Variants in OIP5 observed in about 807,000 individuals in gnomAD.
OIP5 encodes protein Mis18-beta.
A neutral mutation model predicts 20.3 loss-of-function variants in OIP5; 24 were observed. That is an observed-to-expected ratio of 1.18 (90% CI 0.86 to 1.66). The LOEUF (loss-of-function observed/expected upper bound fraction) is 1.66, where lower values mean the gene tolerates loss of function less well. OIP5 is among the 40% of genes most tolerant of loss of function. The probability of loss-of-function intolerance (pLI) is 0.00; values close to 1 mark genes in which losing one functional copy is unlikely to be tolerated. For missense variants in OIP5, 339 were observed against 289.5 expected (o/e 1.17, Z -1.24); for synonymous variants, 143 against 121.3 (o/e 1.18, Z -1.17).
At chr15:41,325,446 C>G (rs558826184) in intron 2 of OIP5, among the ~76,000 whole-genome samples, 1 of 151,782 alleles carries the variant, frequency 6.6e-6, no homozygotes, top group East Asian at 1.9e-4. Flanking sequence ...CCAGAATTAC[C>G]AACATGTGAC....
chr15:41,328,381 G>GGT lies in OIP5; in HGVS notation c.389+3532_389+3533dup, dbSNP rs1489449318. Among the ~76,000 whole-genome samples the GGT allele has an allele frequency of 3.3e-5, 5 of 152,142 alleles. No homozygotes were observed. The East Asian group carries it at 9.6e-4, about 29-fold the overall frequency. ...TGATAAGTGCTCTAGTTTAGTGACA[G>GGT]GTAGACAGAGGTTCATTATATTCTT... On this transcript the variant is annotated intron_variant, in intron 2 of 4. Coordinates refer to ENST00000220514, the MANE Select transcript of OIP5 (RefSeq NM_007280.2).
Position 41,319,710 on chromosome 15 carries a change from C to A in OIP5, c.460G>T (p.Ala154Ser). Residue 154 changes from alanine to serine, a missense_variant, in exon 3 of 5, where the codon GCC (alanine) becomes TCC (serine). By Grantham distance (99) the Ala-to-Ser change is moderately conservative. Coordinates refer to ENST00000220514, the MANE Select transcript of OIP5 (RefSeq NM_007280.2). ...VGFHLYSTHA[A>S]LAALRGHFCL... The stretch of plus-strand genomic sequence containing the variant: ...AAGTGACCTCTCAAGGCAGCCAGGG[C>A]AGCATGGGTAGAATACAGATGGAAA... The A allele has an allele frequency of 1.2e-6, 2 of 1,613,848 alleles. No individual in the cohort carries two copies. Among genetic ancestry groups the A allele is most frequent in the Non-Finnish European group, 8.5e-7 (1 of 1,179,842 alleles).
At chr15:41,321,140 C>T (rs1205620746) in intron 2 of OIP5, among the ~76,000 whole-genome samples, 1 of 151,550 alleles carries the variant, frequency 6.6e-6, no homozygotes, top group Non-Finnish European at 1.5e-5. Context: ...GCCACCCTGT[C>T]GGGGAGGGAG....
chr15:41,320,573 G>C (rs1043028820), intron 2 of OIP5, among the ~76,000 whole-genome samples: 1 of 152,026 alleles, frequency 6.6e-6, no homozygotes, highest in African/African-American at 2.4e-5. Flanking sequence ...GTCTCGTCTC[G>C]TTCACTCAGT....
chr15:41,320,058 CA>C (rs1352217900), intron 2 of OIP5, among the ~76,000 whole-genome samples: 1 of 152,020 alleles, frequency 6.6e-6, no homozygotes, highest in Admixed American at 6.6e-5. Flanking sequence ...CTAATAAACA[CA>C]AAAAGAGCTA....
intron 4 of OIP5, among the ~76,000 whole-genome samples, chr15:41,311,414 AAAAT>A (rs1430022510): frequency 6.6e-6 from 1 of 152,124 alleles, no homozygotes; most frequent in Non-Finnish European, 1.5e-5. Flanking sequence ...CTTTGTCTCA[AAAAT>A]AAATAAACAA....
chr15:41,322,398 T>G (rs1433315145), intron 2 of OIP5, among the ~76,000 whole-genome samples: 2 of 151,946 alleles, frequency 1.3e-5, no homozygotes, highest in Non-Finnish European at 2.9e-5. Flanking sequence ...TAGTATGAAG[T>G]TTTTTTTGGT....
chr15:41,329,779 G>A (rs980256214), intron 2 of OIP5, among the ~76,000 whole-genome samples: 14 of 150,270 alleles, frequency 9.3e-5, no homozygotes, highest in African/African-American at 2.7e-4. Context: ...TTGGCTCACT[G>A]CAACCCCCGC....
intron 2 of OIP5, among the ~76,000 whole-genome samples, chr15:41,325,845 G>A (rs372522179): frequency 1.7e-4 from 18 of 105,296 alleles, no homozygotes; most frequent in Admixed American, 4.4e-4. Flanking sequence ...GCAAGACTCC[G>A]TCTCAAAAAA....
At chr15:41,312,653 A>G (rs1163483249) in intron 4 of OIP5, among the ~76,000 whole-genome samples, 1 of 131,056 alleles carries the variant, frequency 7.6e-6, no homozygotes, top group Non-Finnish European at 1.6e-5. Context: ...TTTTTGAGAC[A>G]GAGTCTTGCT....
intron 2 of OIP5, among the ~76,000 whole-genome samples, chr15:41,322,229 A>G (rs1182136943): frequency 1.3e-5 from 2 of 152,228 alleles, no homozygotes; most frequent in African/African-American, 4.8e-5. Context: ...GCTTGAGCCC[A>G]GGAATTCGAG....
chr15:41,330,757 G>C lies in OIP5; in HGVS notation c.389+1158C>G, dbSNP rs142239869. ...TTCTGTACTAAGTCTTTGAAATCCA[G>C]TGTGTATTCTGTGTTCACAGCATAT... On this transcript the variant is annotated intron_variant, in intron 2 of 4. Coordinates refer to ENST00000220514, the MANE Select transcript of OIP5 (RefSeq NM_007280.2). Among the ~76,000 whole-genome samples, 285 of 152,272 alleles carry C rather than the reference G, an allele frequency of 1.9e-3. 2 individuals carry two copies. Among genetic ancestry groups the C allele is most frequent in the Non-Finnish European group, 2.3e-3 (157 of 68,020 alleles).
chr15:41,324,393 T>C (rs1049018285), intron 2 of OIP5, among the ~76,000 whole-genome samples: 1 of 152,216 alleles, frequency 6.6e-6, no homozygotes, highest in Non-Finnish European at 1.5e-5. Flanking sequence ...GGCTTTAGTT[T>C]AAAGGAATGT....
chr15:41,316,490 T>G (rs1234202517), intron 3 of OIP5, among the ~76,000 whole-genome samples: 2 of 151,838 alleles, frequency 1.3e-5, no homozygotes, highest in Non-Finnish European at 2.9e-5. Flanking sequence ...TATCTAAGCA[T>G]AAGAAATGAG....
chr15:41,327,078 A>T (rs77187862), intron 2 of OIP5, among the ~76,000 whole-genome samples: 12,198 of 93,708 alleles, frequency 0.13, 1,176 homozygotes, highest in African/African-American at 0.31. Flanking sequence ...TCCAGGAATT[A>T]AAAAAAAAAA....
Position 41,332,334 on chromosome 15 carries a change from A to T in OIP5, c.228T>A (p.Ala76=). 1 of 1,611,786 alleles carries T rather than the reference A, an allele frequency of 6.2e-7. No individual in the cohort carries two copies. The highest frequency in any genetic ancestry group is 8.5e-7 in the Non-Finnish European group (1 of 1,178,906). Residue 76 remains alanine (A), a synonymous_variant, in exon 1 of 5, where the codon GCT becomes GCA. Coordinates refer to ENST00000220514, the MANE Select transcript of OIP5 (RefSeq NM_007280.2). ...LPSWLQPERC[A]VFQCAQCHAV... The stretch of plus-strand genomic sequence containing the variant: ...CGTGACACTGTGCGCACTGGAACAC[A>T]GCGCACCTCTCAGGCTGCAGCCAAG...
intron 2 of OIP5, among the ~76,000 whole-genome samples, chr15:41,331,324 T>C (rs1024081204): frequency 2.6e-5 from 4 of 152,220 alleles, no homozygotes; most frequent in Non-Finnish European, 5.9e-5. Context: ...CTGGGGTTAC[T>C]GAAGAATTAG....
rs191315968 is a variant in OIP5, at chr15:41,324,946, G to A, written c.390-5166C>T. ...ATTGTTGGGTTATTAATTGGCCTGAGAAGGCAAGACTGAATGGCTAGTTGG... is the reference window on the plus strand; with the variant it reads ...ATTGTTGGGTTATTAATTGGCCTGAAAAGGCAAGACTGAATGGCTAGTTGG... On this transcript the variant is annotated intron_variant, in intron 2 of 4. Transcript: ENST00000220514. Among the ~76,000 whole-genome samples, 429 of 152,234 alleles carry A rather than the reference G, an allele frequency of 2.8e-3. 3 individuals carry two copies. Among genetic ancestry groups the A allele is most frequent in the Admixed American group, 4.7e-3 (72 of 15,272 alleles).
chr15:41,309,537 G>A lies in OIP5; in HGVS notation c.*217C>T, dbSNP rs1240603561. ...TGAATTCAATAAGAATCTAAAGTAAGTTCTTAAGGCAAATAGCTATAAAAG... is the reference window on the plus strand; with the variant it reads ...TGAATTCAATAAGAATCTAAAGTAAATTCTTAAGGCAAATAGCTATAAAAG... On this transcript the variant is annotated 3_prime_UTR_variant, in exon 5 of 5. Transcript: ENST00000220514. 3 of 394,970 alleles carry A rather than the reference G, an allele frequency of 7.6e-6. No homozygotes were observed. The highest frequency in any genetic ancestry group is 1.4e-5 in the Non-Finnish European group (3 of 220,394). 24.5% of individuals were successfully genotyped at this position (394,970 alleles called of 1,614,324 possible). A position where few individuals can be genotyped will look rare whatever the true frequency, so the allele number is the denominator to read the frequency against.
Sources: allele counts gnomAD v4.1 joint callset (sites outside exome capture counted in the v4.1 genomes callset), GRCh38; gene constraint gnomAD v4.1.1; transcripts MANE v1.5; gene names NCBI Gene and HGNC (gene_info 2026-07-23, HGNC 2026-07-21).